Variants in KCNC1 observed in about 807,000 individuals in gnomAD.
KCNC1 encodes potassium voltage-gated channel subfamily C member 1.
A neutral mutation model predicts 43.4 loss-of-function variants in KCNC1; 8 were observed. The observed-to-expected ratio is 0.18, with a 90% CI of 0.11 to 0.33. KCNC1 has a LOEUF of 0.33. Ranked by LOEUF, KCNC1 falls within the 10% of genes least tolerant of loss-of-function variation. KCNC1 has a pLI of 1.00. For missense variants in KCNC1, 420 were observed against 836.0 expected (o/e 0.50, Z 6.14); for synonymous variants, 361 against 360.5 (o/e 1.00, Z -0.01).
intron 1 of KCNC1, among the ~76,000 whole-genome samples, chr11:17,768,263 A>G (rs1331124439): frequency 6.6e-6 from 1 of 152,172 alleles, no homozygotes; most frequent in Non-Finnish European, 1.5e-5. Flanking sequence ...ATTTTTCCAG[A>G]CAGAGACTGG....
chr11:17,749,364 A>C (rs757515), intron 1 of KCNC1, among the ~76,000 whole-genome samples: 1 of 152,178 alleles, frequency 6.6e-6, no homozygotes, highest in Non-Finnish European at 1.5e-5. Flanking sequence ...ACCCCACCTG[A>C]GAGGAGAATA....
chr11:17,774,103 C>T (rs994305543), intron 2 of KCNC1: 16 of 985,488 alleles, frequency 1.6e-5, no homozygotes, highest in Middle Eastern at 5.2e-4. Flanking sequence ...GGGGGTTTCC[C>T]GGTCCTTTCA....
chr11:17,763,571 T>TACAC lies in KCNC1; in HGVS notation c.571-8080_571-8077dup, dbSNP rs148784935. On this transcript the variant is annotated intron_variant, in intron 1 of 3. Coordinates refer to ENST00000265969, the MANE Select transcript of KCNC1 (RefSeq NM_001112741.2). The stretch of plus-strand genomic sequence containing the variant: ...CCCCCACACCACCCCACACATGCAA[T>TACAC]ACACACACACACACACAGACCCCCA... 2.3e-3 allele frequency among the ~76,000 whole-genome samples: 177 copies of TACAC among 78,396 alleles called. 3 individuals carry two copies. The highest frequency in any genetic ancestry group is 0.028 in the Middle Eastern group (2 of 72). 51.4% of individuals were successfully genotyped at this position (78,396 alleles called of 152,430 possible).
In KCNC1 at chr11:17,778,730, A is replaced by C. The variant is rs1849313653; in HGVS notation, c.1505-726A>C. ...GTATGGGGGGTCGGGGCATAGAGTGACTGGACCAGGTCTGTGTGGGAACAG... is the reference window on the plus strand; with the variant it reads ...GTATGGGGGGTCGGGGCATAGAGTGCCTGGACCAGGTCTGTGTGGGAACAG... On this transcript the variant is annotated intron_variant, in intron 2 of 3. Coordinates refer to ENST00000265969, the MANE Select transcript of KCNC1 (RefSeq NM_001112741.2). Among the ~76,000 whole-genome samples the C allele has an allele frequency of 2.6e-5, 4 of 152,006 alleles. No individual in the cohort carries two copies. In the South Asian group the frequency reaches 8.3e-4, roughly 32 times the overall value.
Position 17,777,511 on chromosome 11 carries a change from T to C in KCNC1, c.1505-1945T>C, listed in dbSNP as rs1849299833. On this transcript the variant is annotated intron_variant, in intron 2 of 3. Transcript: ENST00000265969. The surrounding 1 kb of genome is among the most constrained non-coding windows in gnomAD (Gnocchi z 4.3). The stretch of plus-strand genomic sequence containing the variant: ...CCCTCCTCCCTCAGCCCGGAGACCC[T>C]TGGATGGAAGACTGGGCCAGCCAGA... The C allele has an allele frequency of 1.0e-6, 1 of 985,954 alleles. No homozygotes were observed. Among genetic ancestry groups the C allele is most frequent in the Non-Finnish European group, 1.2e-6 (1 of 830,016 alleles). The allele number at this position is 985,954 out of a possible 1,614,324, so 61.1% of individuals were successfully genotyped here.
At position 17,781,969 on chromosome 11, in the gene KCNC1, G is replaced by C. The variant is rs182866846; in HGVS notation, c.*235G>C. ...TAAAATTTTATTTTATTTGGGGAGGGGGGGTGGAGGGGCTCCTTAGCATGA... is the reference window on the plus strand; with the variant it reads ...TAAAATTTTATTTTATTTGGGGAGGCGGGGTGGAGGGGCTCCTTAGCATGA... On this transcript the variant is annotated 3_prime_UTR_variant, in exon 4 of 4. Transcript: ENST00000265969. This position sits in a 1 kb window ranked among gnomAD's most constrained non-coding sequence, Gnocchi z 5.1. The C allele has an allele frequency of 7.8e-4, 353 of 454,288 alleles. No individual in the cohort carries two copies. Among genetic ancestry groups the C allele is most frequent in the Admixed American group, 1.6e-3 (39 of 24,726 alleles). 28.1% of individuals were successfully genotyped at this position (454,288 alleles called of 1,614,324 possible).
Position 17,739,154 on chromosome 11 carries a change from C to A in KCNC1, c.570+2582C>A. 6.6e-6 allele frequency among the ~76,000 whole-genome samples: 1 copy of A among 151,846 alleles called. No individual in the cohort carries two copies. The highest frequency in any genetic ancestry group is 2.4e-5 in the African/African-American group (1 of 41,372). ...CCGCCTCTGCTGTCACCTTTGTTTA[C>A]CCCTCCCCCACACGGGGCCCCGAGA... On this transcript the variant is annotated intron_variant, in intron 1 of 3. Transcript: ENST00000265969. This position sits in a 1 kb window ranked among gnomAD's most constrained non-coding sequence, Gnocchi z 4.2.
At chr11:17,769,112 T>C (rs2133802980) in intron 1 of KCNC1, among the ~76,000 whole-genome samples, 1 of 152,368 alleles carries the variant, frequency 6.6e-6, no homozygotes, top group Middle Eastern at 3.4e-3. Flanking sequence ...TGCGCCCACA[T>C]TACTCTGACC....
intron 1 of KCNC1, among the ~76,000 whole-genome samples, chr11:17,750,512 A>G (rs1422464137): frequency 1.3e-5 from 2 of 151,928 alleles, no homozygotes; most frequent in Non-Finnish European, 1.5e-5. Context: ...CAGTCTGAGG[A>G]TTGGAGTAAA....
chr11:17,765,291 A>G (rs966269025), intron 1 of KCNC1, among the ~76,000 whole-genome samples: 5 of 152,230 alleles, frequency 3.3e-5, no homozygotes, highest in African/African-American at 1.2e-4. Context: ...CGAACCCCCG[A>G]ACAGCTCCGA....
rs1254918205 is a variant in KCNC1 at position 17,781,838 on chromosome 11, C to T, written c.*104C>T. On this transcript the variant is annotated 3_prime_UTR_variant, in exon 4 of 4. Transcript: ENST00000265969. This position sits in a 1 kb window ranked among gnomAD's most constrained non-coding sequence, Gnocchi z 5.1. ...GTAAATTCACGCCATGCAGGTTTGC[C>T]GGACGAGTCCGAGTGGCCCAGGCAT... 4 of 789,668 alleles carry T rather than the reference C, an allele frequency of 5.1e-6. No individual in the cohort carries two copies. Among genetic ancestry groups the T allele is most frequent in the South Asian group, 1.7e-5 (1 of 60,370 alleles). 48.9% of individuals were successfully genotyped at this position (789,668 alleles called of 1,614,324 possible).
At chr11:17,775,178 C>A in intron 2 of KCNC1, 1 of 985,538 alleles carries the variant, frequency 1.0e-6, no homozygotes, top group Non-Finnish European at 1.2e-6. Context: ...TCTCACTGTA[C>A]CCCCAAGGCA....
At chr11:17,760,731 A>G (rs778854432) in intron 1 of KCNC1, among the ~76,000 whole-genome samples, 5 of 152,192 alleles carry the variant, frequency 3.3e-5, no homozygotes, top group Non-Finnish European at 5.9e-5. Flanking sequence ...GGGCTTATGG[A>G]AGGCAATGAA....
intron 1 of KCNC1, among the ~76,000 whole-genome samples, chr11:17,766,199 G>A (rs559797018): frequency 2.6e-5 from 4 of 152,208 alleles, no homozygotes; most frequent in East Asian, 1.9e-4. Flanking sequence ...GCGTGTGTGC[G>A]CCTTGCAGTG....
Position 17,771,910 on chromosome 11 carries a change from G to A in KCNC1, c.816G>A (p.Glu272=), listed in dbSNP as rs753431522. The stretch of plus-strand genomic sequence containing the variant: ...TCATCTTCTGCCCCAACAAGGTAGA[G>A]TTCATCAAGAACTCGCTCAACATCA... ...MRVIFCPNKV[E]FIKNSLNIID... is the part of the protein sequence containing the mutation. The change falls in exon 2 of 4, where the codon GAG becomes GAA. Residue 272 remains glutamate, a synonymous_variant. Transcript: ENST00000265969. The surrounding 1 kb of genome is among the most constrained non-coding windows in gnomAD (Gnocchi z 4.7). The A allele has an allele frequency of 6.2e-7, 1 of 1,614,244 alleles. No homozygotes were observed. The highest frequency in any genetic ancestry group is 1.7e-5 in the Admixed American group (1 of 60,032).
At chr11:17,751,859 C>T (rs1324998410) in intron 1 of KCNC1, among the ~76,000 whole-genome samples, 2 of 152,174 alleles carry the variant, frequency 1.3e-5, no homozygotes, top group African/African-American at 4.8e-5. Flanking sequence ...TTTCAGTCTG[C>T]TCCGGAGTAG....
chr11:17,742,491 G>A lies in KCNC1; in HGVS notation c.570+5919G>A, dbSNP rs1848854386. 1.3e-5 allele frequency among the ~76,000 whole-genome samples: 2 copies of A among 152,238 alleles called. No individual in the cohort carries two copies. The highest frequency in any genetic ancestry group is 4.1e-4 in the South Asian group (2 of 4,838). ...CAAAAGGTCAGGGCCTTGAGCCACT[G>A]CCTCCCATCAGCTCTGGGGCCAGCC... On this transcript the variant is annotated intron_variant, in intron 1 of 3. Transcript: ENST00000265969. This position sits in a 1 kb window ranked among gnomAD's most constrained non-coding sequence, Gnocchi z 4.2.
rs554552215 is a variant in KCNC1, at chr11:17,737,292, G to A, written c.570+720G>A. On this transcript the variant is annotated intron_variant, in intron 1 of 3. Transcript: ENST00000265969. ...TTCCTCCTTGTCGAAAGCGGAGGGT[G>A]TTGGAGTGGGTCACTGGGCTTATGC... Among the ~76,000 whole-genome samples, 11 of 152,296 alleles carry A rather than the reference G, an allele frequency of 7.2e-5. No homozygotes were observed. In the South Asian group the frequency reaches 2.3e-3, roughly 32 times the overall value.
intron 3 of KCNC1, chr11:17,780,051 G>C (rs1055765590): frequency 6.2e-6 from 1 of 161,936 alleles, no homozygotes; most frequent in Non-Finnish European, 1.3e-5. Flanking sequence ...GAGTGGGCCA[G>C]GACCCTGTGA....
Sources: allele counts gnomAD v4.1 joint callset (sites outside exome capture counted in the v4.1 genomes callset), GRCh38; gene constraint gnomAD v4.1.1; non-coding constraint Gnocchi (gnomAD v3.1); transcripts MANE v1.5; gene names NCBI Gene and HGNC (gene_info 2026-07-23, HGNC 2026-07-21).